Variants in UNC13C observed in about 807,000 individuals in gnomAD.
UNC13C encodes protein unc-13 homolog C.
A neutral mutation model predicts 245.4 loss-of-function variants in UNC13C; 174 were observed. That is an observed-to-expected ratio of 0.71 (90% CI 0.63 to 0.80). The LOEUF is 0.80. UNC13C is among the 30% of genes least tolerant of loss of function. The pLI is 0.00. For synonymous variants in UNC13C, 992 were observed against 895.1 expected (o/e 1.11, Z -1.93); for missense variants, 2,829 against 2,602.9 (o/e 1.09, Z -1.89).
At chr15:53,926,013 A>T in the UNC13C span, among the ~76,000 whole-genome samples, 1 of 152,178 alleles carries the variant, frequency 6.6e-6, no homozygotes, top group Admixed American at 6.5e-5. Context: ...TTTAAAAGAC[A>T]CCTATCTGGG....
intron 2 of UNC13C, among the ~76,000 whole-genome samples, chr15:54,126,085 G>C (rs1032938452): frequency 2.6e-5 from 4 of 152,022 alleles, no homozygotes; most frequent in Admixed American, 2.6e-4. Context: ...GAAAATCAGG[G>C]AGAACAAACA....
intron 30 of UNC13C, among the ~76,000 whole-genome samples, chr15:54,607,589 T>C (rs893437995): frequency 3.9e-5 from 6 of 152,146 alleles, no homozygotes; most frequent in Admixed American, 1.3e-4. Flanking sequence ...AAGAACTACC[T>C]GAGACCATGA....
intron 30 of UNC13C, among the ~76,000 whole-genome samples, chr15:54,593,131 A>C (rs953258390): frequency 6.6e-6 from 1 of 152,160 alleles, no homozygotes; most frequent in Non-Finnish European, 1.5e-5. Context: ...GCTGAAGATA[A>C]GGGCCCAATC....
chr15:54,375,784 G>A lies in UNC13C; in HGVS notation c.4714-17264G>A, dbSNP rs76735378. ...CCCTGAACTCAGATGAAACACCACC[G>A]CCAGCCAATGGCTAGATTGCAGCCC... is the stretch of plus-strand genomic sequence containing the variant. On this transcript the variant is annotated intron_variant, in intron 17 of 32. Coordinates refer to ENST00000260323, the MANE Select transcript of UNC13C (RefSeq NM_001080534.3). Among the ~76,000 whole-genome samples the A allele has an allele frequency of 4.1e-3, 625 of 152,298 alleles. 27 individuals carry two copies. The East Asian group carries it at 0.085, about 21-fold the overall frequency.
intron 1 of UNC13C, among the ~76,000 whole-genome samples, chr15:53,997,009 T>A (rs538648428): frequency 6.6e-6 from 1 of 152,254 alleles, no homozygotes; most frequent in Non-Finnish European, 1.5e-5. Context: ...TAAGGTGATT[T>A]TATTTTACAT....
At chr15:54,487,506 C>A (rs931233740) in intron 19 of UNC13C, among the ~76,000 whole-genome samples, 2 of 152,076 alleles carry the variant, frequency 1.3e-5, no homozygotes, top group African/African-American at 4.8e-5. Context: ...GTGGCTCACA[C>A]CTGTAATCCC....
At chr15:54,329,822 T>C (rs773929907) in intron 14 of UNC13C, among the ~76,000 whole-genome samples, 2 of 152,068 alleles carry the variant, frequency 1.3e-5, no homozygotes, top group Non-Finnish European at 2.9e-5. Context: ...CACTGAAGAC[T>C]AGGTAGGGAA....
intron 32 of UNC13C, among the ~76,000 whole-genome samples, chr15:54,625,777 C>T (rs940967246): frequency 4.6e-5 from 7 of 152,130 alleles, no homozygotes; most frequent in African/African-American, 1.2e-4. Context: ...AATAAACCAG[C>T]TTACAACATT....
At chr15:53,974,282 G>C (rs187168291), upstream of UNC13C, among the ~76,000 whole-genome samples, 352 of 152,230 alleles carry the variant, frequency 2.3e-3, no homozygotes, top group African/African-American at 8.1e-3. Flanking sequence ...AGAACTAAGG[G>C]CACCATTTGG....
chr15:54,019,446 CT>C (rs1895799795), intron 2 of UNC13C, among the ~76,000 whole-genome samples: 1 of 152,178 alleles, frequency 6.6e-6, no homozygotes, highest in Non-Finnish European at 1.5e-5. Flanking sequence ...CTCAGTGTTT[CT>C]ACTTCAAATC....
At chr15:54,534,421 C>CA (rs762165549) in intron 26 of UNC13C, among the ~76,000 whole-genome samples, 14 of 151,764 alleles carry the variant, frequency 9.2e-5, no homozygotes, top group East Asian at 3.9e-4. Context: ...AATATAAAAG[C>CA]AAAAAAACAC....
intron 17 of UNC13C, among the ~76,000 whole-genome samples, chr15:54,391,325 T>C (rs1204534962): frequency 6.6e-6 from 1 of 152,128 alleles, no homozygotes; most frequent in Non-Finnish European, 1.5e-5. Flanking sequence ...CACCAGGTTA[T>C]CTGGATTTCT....
At chr15:54,616,622 T>C (rs746438268) in intron 30 of UNC13C, among the ~76,000 whole-genome samples, 5 of 152,022 alleles carry the variant, frequency 3.3e-5, no homozygotes, top group African/African-American at 4.8e-5. Context: ...CAGAATAAGG[T>C]TATAAAGAAA....
intron 2 of UNC13C, among the ~76,000 whole-genome samples, chr15:54,037,465 A>T (rs1357660895): frequency 3.3e-5 from 5 of 152,240 alleles, no homozygotes; most frequent in African/African-American, 4.8e-5. Flanking sequence ...AAGGCTTAGC[A>T]CAATGCTTGT....
intron 29 of UNC13C, among the ~76,000 whole-genome samples, chr15:54,563,160 C>T: frequency 6.6e-6 from 1 of 151,894 alleles, no homozygotes; most frequent in Admixed American, 6.6e-5. Context: ...AAATGTAGAC[C>T]CAGCATTCCA....
the UNC13C span, among the ~76,000 whole-genome samples, chr15:53,902,759 G>C: frequency 6.6e-6 from 1 of 152,248 alleles, no homozygotes; most frequent in Admixed American, 6.5e-5. Context: ...GTCTTCAGAA[G>C]GTTTAGGGGG....
At chr15:54,558,251 A>G (rs546735633) in intron 29 of UNC13C, among the ~76,000 whole-genome samples, 13 of 152,220 alleles carry the variant, frequency 8.5e-5, no homozygotes, top group African/African-American at 2.9e-4. Flanking sequence ...TTAAAGTATA[A>G]TAATAAAAAA....
In UNC13C at chr15:54,439,971, ATC is replaced by A. The variant is rs1456972174; in HGVS notation, c.4933+24913_4933+24914del. On this transcript the variant is annotated intron_variant, in intron 19 of 32. Coordinates refer to ENST00000260323, the MANE Select transcript of UNC13C (RefSeq NM_001080534.3). ...CCATACACTCTTCTCAGTTTCTGGT[ATC>A]TCTCTCTCATGGTTTGGCTGTGTCC... Among the ~76,000 whole-genome samples the A allele has an allele frequency of 4.6e-5, 7 of 151,744 alleles. No homozygotes were observed. In the East Asian group the frequency reaches 5.9e-4, roughly 13 times the overall value.
At chr15:54,592,861 TTG>T (rs1169832273) in intron 30 of UNC13C, among the ~76,000 whole-genome samples, 2 of 112,414 alleles carry the variant, frequency 1.8e-5, no homozygotes, top group Non-Finnish European at 3.8e-5. Context: ...ACTTTGTTTT[TTG>T]TTTTTTTTTT....
Sources: gnomAD v4.1 joint callset for allele counts (sites outside exome capture counted in the v4.1 genomes callset) on GRCh38, gnomAD v4.1.1 for gene constraint, MANE v1.5 for transcripts, NCBI Gene and HGNC (gene_info 2026-07-23, HGNC 2026-07-21) for gene names.